The following PRDM14 variants were observed in gnomAD, a reference collection of about 807,000 sequenced individuals.
PRDM14 encodes the protein PR/SET domain 14, also known as PR domain zinc finger protein 14.
In PRDM14, 16 loss-of-function variants were observed where a neutral mutation model predicts 48.0. The ratio of observed to expected loss-of-function variants is 0.33; its 90% CI spans 0.23 to 0.51. PRDM14 has a LOEUF of 0.51. Among genes scored for constraint, PRDM14 ranks in the 20% least tolerant of loss-of-function variants. The pLI is 0.97. For missense variants in PRDM14, 566 were observed against 719.6 expected, an observed-to-expected ratio of 0.79 and a Z score of 2.44; for synonymous variants, 264 against 276.6, an observed-to-expected ratio of 0.95 and a Z score of 0.45.
chr8:70,053,383 T>C, intron 7 of PRDM14, among the ~76,000 whole-genome samples: 1 of 94,606 alleles, frequency 1.1e-5, no homozygotes, highest in East Asian at 4.1e-4. Context: ...AGGTTTGTTT[T>C]ATTTGTTTGT....
At chr8:70,064,804 G>A (rs374701288) in intron 5 of PRDM14, among the ~76,000 whole-genome samples, 2 of 151,300 alleles carry the variant, frequency 1.3e-5, no homozygotes, top group African/African-American at 2.4e-5. Context: ...GATTACAGGC[G>A]TGGGCCACCA....
chr8:70,060,862 T>G lies in PRDM14; in HGVS notation c.1184-2020A>C, dbSNP rs74532303. Reference sequence around the variant, plus strand: ...CGCAGCTCACAGTGCTGTTCTATTCTACACAATTCAAGGGACCTTCTTAGT... The same window carrying G: ...CGCAGCTCACAGTGCTGTTCTATTCGACACAATTCAAGGGACCTTCTTAGT... On this transcript the variant is annotated intron_variant, in intron 5 of 7. Transcript: ENST00000276594. 5.3e-4 allele frequency among the ~76,000 whole-genome samples: 81 copies of G among 152,372 alleles called. No individual in the cohort carries two copies. The East Asian group carries it at 0.014, about 27-fold the overall frequency.
chr8:70,051,905 G>A lies in PRDM14; in HGVS notation c.*172C>T, dbSNP rs1805391555. 4 of 542,578 alleles carry A rather than the reference G, an allele frequency of 7.4e-6. No individual in the cohort carries two copies. Among genetic ancestry groups the A allele is most frequent in the Non-Finnish European group, 9.8e-6 (3 of 305,592 alleles). The allele number at this position is 542,578 out of a possible 1,614,324, so 33.6% of individuals were successfully genotyped here. A position where few individuals can be genotyped will look rare whatever the true frequency, so the allele number is the denominator to read the frequency against. ...TGCCACCTCGACCTCCTGAGTGGCT[G>A]GAACCACAGGCATGTGCCACCACCC... On this transcript the variant is annotated 3_prime_UTR_variant, in exon 8 of 8. Coordinates refer to ENST00000276594, the MANE Select transcript of PRDM14 (RefSeq NM_024504.4).
intron 7 of PRDM14, 133 bp from the exon 8 acceptor site, chr8:70,052,437 C>T (rs1805403918): frequency 7.8e-6 from 5 of 637,834 alleles, no homozygotes; most frequent in Non-Finnish European, 2.7e-6. Flanking sequence ...CCATAGAGCA[C>T]TCCTGGTCAT....
intron 5 of PRDM14, among the ~76,000 whole-genome samples, chr8:70,065,767 A>G (rs1029911737): frequency 1.4e-5 from 2 of 147,524 alleles, no homozygotes; most frequent in Non-Finnish European, 3.0e-5. Context: ...TTTCTATTCT[A>G]CTCTATACTT....
Position 70,051,860 on chromosome 8 carries a change from C to T in PRDM14, c.*217G>A. 1 of 483,862 alleles carries T rather than the reference C, an allele frequency of 2.1e-6. No homozygotes were observed. The highest frequency in any genetic ancestry group is 3.7e-6 in the Non-Finnish European group (1 of 269,332). 30.0% of individuals were successfully genotyped at this position (483,862 alleles called of 1,614,324 possible). On this transcript the variant is annotated 3_prime_UTR_variant, in exon 8 of 8. Coordinates refer to ENST00000276594, the MANE Select transcript of PRDM14 (RefSeq NM_024504.4). ...GATCTCAGCTCACAGCAACCTCCGT[C>T]TCCTGTGCTCAAACCATCCTGCCAC...
At chr8:70,070,354 C>A (rs551791726) in intron 1 of PRDM14, among the ~76,000 whole-genome samples, 1 of 152,250 alleles carries the variant, frequency 6.6e-6, no homozygotes, top group South Asian at 2.1e-4. Flanking sequence ...CGCAGGCGGT[C>A]GGAGGGCAAT....
At chr8:70,055,528 C>T (rs1487973865) in intron 6 of PRDM14, 127 bp from the exon 7 acceptor site, 9 of 525,012 alleles carry the variant, frequency 1.7e-5, no homozygotes, top group Admixed American at 9.3e-5. Context: ...TTTTTTGAGA[C>T]GGGATCTCAA....
At chr8:70,066,545 T>G in intron 4 of PRDM14, 40 bp from the exon 5 acceptor site, 1 of 1,546,440 alleles carries the variant, frequency 6.5e-7, no homozygotes, top group Non-Finnish European at 8.8e-7. Flanking sequence ...TGTACTTCTT[T>G]TTTGGTCTAA....
intron 4 of PRDM14, among the ~76,000 whole-genome samples, chr8:70,067,224 G>C (rs148509292): frequency 1.4e-3 from 214 of 152,250 alleles, no homozygotes; most frequent in Non-Finnish European, 2.4e-3. Context: ...TGGAGCTATA[G>C]ATTATTTCTT....
At chr8:70,063,338 G>A (rs1302520012) in intron 5 of PRDM14, among the ~76,000 whole-genome samples, 1 of 151,882 alleles carries the variant, frequency 6.6e-6, no homozygotes, top group African/African-American at 2.4e-5. Flanking sequence ...GGAGGCTGAG[G>A]CAGGAGAAAT....
intron 5 of PRDM14, among the ~76,000 whole-genome samples, chr8:70,061,205 C>A (rs1805576429): frequency 6.6e-6 from 1 of 152,114 alleles, no homozygotes; most frequent in Admixed American, 6.5e-5. Flanking sequence ...CAGGGGCCAC[C>A]TACAAAAGCA....
chr8:70,052,523 A>G (rs916828323), intron 7 of PRDM14, among the ~76,000 whole-genome samples: 5 of 152,138 alleles, frequency 3.3e-5, no homozygotes, highest in Non-Finnish European at 7.4e-5. Flanking sequence ...GGATGTTAGA[A>G]CAGTGGTTCT....
At chr8:70,052,843 T>A (rs1202869643) in intron 7 of PRDM14, among the ~76,000 whole-genome samples, 8 of 113,848 alleles carry the variant, frequency 7.0e-5, no homozygotes, top group African/African-American at 2.9e-4. Flanking sequence ...CCAGCCTGGG[T>A]GACAGAGTGA....
chr8:70,064,727 G>A (rs780902509), intron 5 of PRDM14, among the ~76,000 whole-genome samples: 44 of 151,620 alleles, frequency 2.9e-4, no homozygotes, highest in African/African-American at 5.1e-4. Context: ...AGGTTTCACC[G>A]TGTTAGCCAG....
At chr8:70,067,463 A>G (rs554468422) in intron 4 of PRDM14, among the ~76,000 whole-genome samples, 83 of 151,454 alleles carry the variant, frequency 5.5e-4, no homozygotes, top group South Asian at 1.5e-3. Context: ...GGTCACAGTG[A>G]GCTGAGATCA....
chr8:70,066,333 A>T lies in PRDM14; in HGVS notation c.1085T>A (p.Leu362His). 1 of 1,614,154 alleles carries T rather than the reference A, an allele frequency of 6.2e-7. No homozygotes were observed. Among genetic ancestry groups the T allele is most frequent in the Non-Finnish European group, 8.5e-7 (1 of 1,180,020 alleles). The change falls in exon 5 of 8, where the codon CTC becomes CAC. Residue 362 changes from leucine (L) to histidine (H), a missense_variant. Coordinates refer to ENST00000276594, the MANE Select transcript of PRDM14 (RefSeq NM_024504.4). ...ATAGCAGTCTCCATACCACACAAGG[A>T]GCTCTTGGTTCTGATGGATCTCTTT... Reference protein sequence around the residue: ...SCKEIHQNQELLVWYGDCYEK... With the variant: ...SCKEIHQNQEHLVWYGDCYEK...
Position 70,069,507 on chromosome 8 carries a change from G to A in PRDM14, c.354C>T (p.Ser118=). The A allele has an allele frequency of 6.3e-7, 1 of 1,595,744 alleles. No individual in the cohort carries two copies. The highest frequency in any genetic ancestry group is 8.5e-7 in the Non-Finnish European group (1 of 1,170,106). The change falls in exon 2 of 8, where the codon AGC becomes AGT. Residue 118 remains serine (S), a synonymous_variant. Transcript: ENST00000276594. ...PREVPPFLSS[S]HEYAGASSED... ...CACTGCTGGCACCCGCGTACTCGTGGCTGCTGCTCAGGAAGGGCGGCACTT... is the reference window on the plus strand; with the variant it reads ...CACTGCTGGCACCCGCGTACTCGTGACTGCTGCTCAGGAAGGGCGGCACTT...
At position 70,066,440 on chromosome 8, in the gene PRDM14, G is replaced by A; in HGVS notation, c.978C>T (p.Ser326=). 1 of 1,614,088 alleles carries A rather than the reference G, an allele frequency of 6.2e-7. No individual in the cohort carries two copies. Among genetic ancestry groups the A allele is most frequent in the Admixed American group, 1.7e-5 (1 of 60,024 alleles). The change falls in exon 5 of 8, where the codon TCC becomes TCT. Residue 326 remains serine (S), a synonymous_variant. Coordinates refer to ENST00000276594, the MANE Select transcript of PRDM14 (RefSeq NM_024504.4). Reference sequence around the variant, plus strand: ...TGGGGAAGCGGGCACAGTTGACATAGGACATCCAGTTCCCCGTACCTCCTT... The same window carrying A: ...TGGGGAAGCGGGCACAGTTGACATAAGACATCCAGTTCCCCGTACCTCCTT... The part of the protein sequence containing the change: ...DGKGGTGNWM[S]YVNCARFPKE...
Sources: allele counts gnomAD v4.1 joint callset (sites outside exome capture counted in the v4.1 genomes callset), GRCh38; gene constraint gnomAD v4.1.1; transcripts MANE v1.5; gene names NCBI Gene and HGNC (gene_info 2026-07-23, HGNC 2026-07-21).